STRADB: variants seen among roughly 807,000 people sequenced by gnomAD.
STRADB encodes STE20-related kinase adapter protein beta.
Under a neutral mutation model 52.1 loss-of-function variants are expected in STRADB, and 34 were observed. The ratio of observed to expected loss-of-function variants is 0.65; its 90% confidence interval spans 0.50 to 0.87. STRADB has a LOEUF of 0.87. Ranked by LOEUF, STRADB falls within the 40% of genes least tolerant of loss-of-function variation. STRADB has a pLI of 0.00. For missense variants in STRADB, 340 were observed against 483.9 expected (o/e 0.70, Z 2.79); for synonymous variants, 133 against 174.5 (o/e 0.76, Z 1.87).
intron 3 of STRADB, among the ~76,000 whole-genome samples, chr2:201,466,649 C>G (rs2125677149): frequency 6.6e-6 from 1 of 152,264 alleles, no homozygotes; most frequent in South Asian, 2.1e-4. Context: ...ATTTATGTCT[C>G]CTATAACTTC....
At chr2:201,461,397 T>A (rs1447446245) in intron 3 of STRADB, among the ~76,000 whole-genome samples, 1 of 152,134 alleles carries the variant, frequency 6.6e-6, no homozygotes, top group African/African-American at 2.4e-5. Context: ...GATCTTGAAC[T>A]CCTAGCCTCA....
At chr2:201,459,857 T>A (rs1016718802) in intron 3 of STRADB, among the ~76,000 whole-genome samples, 20 of 136,910 alleles carry the variant, frequency 1.5e-4, no homozygotes, top group Non-Finnish European at 1.3e-4. Flanking sequence ...GAGATACTCT[T>A]CTTTCTTTTC....
intron 3 of STRADB, among the ~76,000 whole-genome samples, chr2:201,468,281 TTTGGGA>T (rs1029706955): frequency 1.3e-5 from 2 of 152,006 alleles, no homozygotes; most frequent in Non-Finnish European, 2.9e-5. Flanking sequence ...GTGAGGTTAG[TTTGGGA>T]TGATTTACTC....
At position 201,476,981 on chromosome 2, in the gene STRADB, C is replaced by CA. The variant is rs749872871; in HGVS notation, c.549-616dup. On this transcript the variant is annotated intron_variant, in intron 7 of 11. Transcript: ENST00000194530. Reference sequence around the variant, plus strand: ...TGGGCCACAGAGTGAGATTCTGTCTCAAAAAAAAAAAAAAAAAAAAAAGTG... The same window carrying CA: ...TGGGCCACAGAGTGAGATTCTGTCTCAAAAAAAAAAAAAAAAAAAAAAAGTG... 3.5e-3 allele frequency among the ~76,000 whole-genome samples: 104 copies of CA among 30,044 alleles called. 3 individuals are homozygous for CA. The highest frequency in any genetic ancestry group is 0.05 in the Middle Eastern group (1 of 20). 19.7% of individuals were successfully genotyped at this position (30,044 alleles called of 152,430 possible). A position where few individuals can be genotyped will look rare whatever the true frequency, so the allele number is the denominator to read the frequency against.
At chr2:201,478,013 CA>C in intron 8 of STRADB, 73 bp from the exon 9 acceptor site, 3 of 1,346,324 alleles carry the variant, frequency 2.2e-6, no homozygotes, top group East Asian at 2.3e-5. Flanking sequence ...CATTCTTTAT[CA>C]AAAAAGCACA....
rs1220840037 is a variant in STRADB, at chr2:201,475,643, C to T, written c.449C>T (p.Thr150Ile). The change falls in exon 7 of 12, where the codon ACC becomes ATC. Residue 150 changes from threonine to isoleucine, a missense_variant. Transcript: ENST00000194530. ...GGTTCAGCAAGTCAACTCTTGAGGA[C>T]CTATTTTCCTGAAGGAATGAGTGAA... ...AYGSASQLLR[T>I]YFPEGMSETL... 6.2e-7 allele frequency: 1 copy of T among 1,611,852 alleles called. No individual in the cohort carries two copies.
At chr2:201,453,114 G>A (rs1952074694) in intron 1 of STRADB, among the ~76,000 whole-genome samples, 1 of 151,350 alleles carries the variant, frequency 6.6e-6, no homozygotes, top group Non-Finnish European at 1.5e-5. Flanking sequence ...TAATAGTCTG[G>A]TGTATCTAAG....
chr2:201,459,179 C>A lies in STRADB; in HGVS notation c.93+315C>A, dbSNP rs530686121. Among the ~76,000 whole-genome samples, 4 of 152,204 alleles carry A rather than the reference C, an allele frequency of 2.6e-5. No homozygotes were observed. The South Asian group carries it at 8.3e-4, about 32-fold the overall frequency. ...TAAAGTGGCTCTTCCTAAAGTGGCT[C>A]TTCCTAAGCAGTTTCACCTGTTCCT... On this transcript the variant is annotated intron_variant, in intron 3 of 11. Coordinates refer to ENST00000194530, the MANE Select transcript of STRADB (RefSeq NM_018571.6).
In STRADB at chr2:201,475,144, G is replaced by A. The variant is rs544787434; in HGVS notation, c.424+389G>A. 1.1e-4 allele frequency among the ~76,000 whole-genome samples: 16 copies of A among 152,206 alleles called. 2 individuals carry two copies. In the South Asian group the frequency reaches 3.1e-3, roughly 30 times the overall value. On this transcript the variant is annotated intron_variant, in intron 6 of 11. Coordinates refer to ENST00000194530, the MANE Select transcript of STRADB (RefSeq NM_018571.6). The stretch of plus-strand genomic sequence containing the variant: ...ATTTCACTGTATTAGAAACATCTTT[G>A]TGTGTGTCCATGTCCCTCACTGGAC...
rs1424187011 is a variant in STRADB, at chr2:201,451,789, C to T, written c.-245C>T. 5 of 152,162 alleles carry T rather than the reference C, an allele frequency of 3.3e-5. No homozygotes were observed. The East Asian group carries it at 9.8e-4, about 30-fold the overall frequency. 9.4% of individuals were successfully genotyped at this position (152,162 alleles called of 1,614,324 possible). ...GGTGCAGAGTTCCAAGCCCACGGCC[C>T]CGGTCGCGGCCTCGCCGCCCTCCCG... On this transcript the variant is annotated 5_prime_UTR_variant, in exon 1 of 12. Transcript: ENST00000194530.
intron 3 of STRADB, among the ~76,000 whole-genome samples, chr2:201,462,929 A>G (rs1559463819): frequency 6.6e-6 from 1 of 152,138 alleles, no homozygotes; most frequent in Non-Finnish European, 1.5e-5. Context: ...GAGATTGAAA[A>G]ACTCCCTTTA....
At chr2:201,468,674 G>A (rs749220397) in intron 3 of STRADB, among the ~76,000 whole-genome samples, 1 of 152,170 alleles carries the variant, frequency 6.6e-6, no homozygotes, top group Non-Finnish European at 1.5e-5. Context: ...TGTGATTTTA[G>A]TCCATCACCC....
chr2:201,459,467 A>G (rs768978170), intron 3 of STRADB, among the ~76,000 whole-genome samples: 63 of 152,174 alleles, frequency 4.1e-4, no homozygotes, highest in Non-Finnish European at 1.3e-4. Context: ...CTCATCTACT[A>G]TGTCATCCTA....
chr2:201,466,522 ACACCATCTGTTGTCTT>A (rs890104179), intron 3 of STRADB, among the ~76,000 whole-genome samples: 2 of 152,162 alleles, frequency 1.3e-5, no homozygotes, highest in African/African-American at 2.4e-5. Context: ...ATGCTGTAAA[ACACCATCTGTTGTCTT>A]TTCTTTGGAC....
At chr2:201,466,722 G>A (rs945987620) in intron 3 of STRADB, among the ~76,000 whole-genome samples, 2 of 152,188 alleles carry the variant, frequency 1.3e-5, no homozygotes, top group African/African-American at 4.8e-5. Flanking sequence ...ATGAAAGGCT[G>A]TGATGTTTGA....
chr2:201,457,810 G>A (rs1207475902), intron 2 of STRADB, among the ~76,000 whole-genome samples: 1 of 152,286 alleles, frequency 6.6e-6, no homozygotes, highest in South Asian at 2.1e-4. Context: ...ACTTGATTGA[G>A]GTCAGGAGTC....
intron 7 of STRADB, 122 bp from the exon 8 acceptor site, chr2:201,477,497 A>T: frequency 1.0e-6 from 1 of 974,700 alleles, no homozygotes; most frequent in Non-Finnish European, 1.5e-6. Flanking sequence ...TGCAGTTTAT[A>T]CTGCTGTTTT....
intron 3 of STRADB, among the ~76,000 whole-genome samples, chr2:201,465,412 G>A (rs1952285685): frequency 6.6e-6 from 1 of 151,920 alleles, no homozygotes; most frequent in African/African-American, 2.4e-5. Context: ...GGCTTGGAAT[G>A]GGGGCCTCAG....
intron 10 of STRADB, chr2:201,479,209 CTAAG>C (rs1392455450): frequency 6.3e-6 from 2 of 317,510 alleles, no homozygotes; most frequent in African/African-American, 4.4e-5. Flanking sequence ...CGTTAAGACT[CTAAG>C]TAGTATAAAA....
Sources: allele counts gnomAD v4.1 joint callset (sites outside exome capture counted in the v4.1 genomes callset), GRCh38; gene constraint gnomAD v4.1.1; transcripts MANE v1.5; gene names NCBI Gene and HGNC (gene_info 2026-07-23, HGNC 2026-07-21).